The following NOL4 variants were observed in gnomAD, a reference collection of about 807,000 sequenced individuals.
NOL4 encodes the protein cancer/testis antigen 125.
Under a neutral mutation model 75.9 loss-of-function variants are expected in NOL4, and 17 were observed. That is an observed-to-expected ratio of 0.22 (90% confidence interval 0.15 to 0.34). The LOEUF is 0.34. Ranked by LOEUF, NOL4 falls within the 10% of genes least tolerant of loss-of-function variation. The pLI is 1.00. For synonymous variants in NOL4, 292 were observed against 289.9 expected, an observed-to-expected ratio of 1.01 and a Z score of -0.07; for missense variants, 614 against 793.5, an observed-to-expected ratio of 0.77 and a Z score of 2.72.
chr18:34,109,219 A>T (rs976619673), intron 2 of NOL4, among the ~76,000 whole-genome samples: 2 of 150,972 alleles, frequency 1.3e-5, no homozygotes, highest in East Asian at 1.9e-4. Context: ...ATGCCACATT[A>T]AAAAAAAAGA....
chr18:34,029,565 C>T (rs553240816), intron 5 of NOL4, among the ~76,000 whole-genome samples: 1 of 152,262 alleles, frequency 6.6e-6, no homozygotes, highest in African/African-American at 2.4e-5. Flanking sequence ...GAGCAGCTGA[C>T]TCCATAATCT....
At position 33,921,531 on chromosome 18, in the gene NOL4, C is replaced by T. The variant is rs370277503; in HGVS notation, c.1542+21534G>A. Among the ~76,000 whole-genome samples the T allele has an allele frequency of 3.3e-5, 5 of 152,112 alleles. No individual in the cohort carries two copies. The East Asian group carries it at 5.8e-4, about 18-fold the overall frequency. ...TGAGGCAATACTGAATTAGGGTGGA[C>T]CCTACTTCAAAATAACTTGTATTCT... On this transcript the variant is annotated intron_variant, in intron 9 of 10. Coordinates refer to ENST00000261592, the MANE Select transcript of NOL4 (RefSeq NM_003787.5).
chr18:34,021,599 C>G (rs1198618408), intron 5 of NOL4, among the ~76,000 whole-genome samples: 1 of 152,080 alleles, frequency 6.6e-6, no homozygotes, highest in East Asian at 1.9e-4. Flanking sequence ...ACTATTCTGA[C>G]TCTGATGAGG....
At chr18:34,145,046 G>C (rs1194879122) in intron 1 of NOL4, among the ~76,000 whole-genome samples, 1 of 151,976 alleles carries the variant, frequency 6.6e-6, no homozygotes, top group Non-Finnish European at 1.5e-5. Flanking sequence ...CTGCTTTGGA[G>C]GTAATTTGGC....
At chr18:34,035,952 A>G (rs184492211) in intron 5 of NOL4, among the ~76,000 whole-genome samples, 1 of 152,290 alleles carries the variant, frequency 6.6e-6, no homozygotes, top group Admixed American at 6.5e-5. Flanking sequence ...TGAACAGACC[A>G]GTAATGAGTA....
At chr18:34,036,366 G>GA (rs35411403) in intron 5 of NOL4, among the ~76,000 whole-genome samples, 127,230 of 151,996 alleles carry the variant, frequency 0.84, 53,360 homozygotes, top group East Asian at 0.96. Flanking sequence ...AAAATGAAGG[G>GA]AAAAAACAAC....
chr18:34,189,986 C>CAT (rs71379558), intron 1 of NOL4, among the ~76,000 whole-genome samples: 33,898 of 148,558 alleles, frequency 0.23, 4,249 homozygotes, highest in Non-Finnish European at 0.29. Context: ...TAGATATATG[C>CAT]ATATATATAT....
chr18:33,892,458 A>G (rs1273253027), intron 9 of NOL4, among the ~76,000 whole-genome samples: 1 of 152,016 alleles, frequency 6.6e-6, no homozygotes, highest in African/African-American at 2.4e-5. Context: ...TAAATAAATA[A>G]ATAAATGAAA....
intron 5 of NOL4, among the ~76,000 whole-genome samples, chr18:34,032,641 T>A (rs2075696387): frequency 6.6e-6 from 1 of 152,032 alleles, no homozygotes; most frequent in Non-Finnish European, 1.5e-5. Flanking sequence ...ATCCAGATAG[T>A]TGTCCTGTTA....
chr18:33,922,693 T>C (rs1028395263), intron 9 of NOL4, among the ~76,000 whole-genome samples: 9 of 152,184 alleles, frequency 5.9e-5, no homozygotes, highest in Non-Finnish European at 1.3e-4. Context: ...ATACCCTCAA[T>C]TTTGTGCTAC....
chr18:34,221,882 C>T (rs1175327026), intron 1 of NOL4: 3 of 650,438 alleles, frequency 4.6e-6, no homozygotes, highest in South Asian at 2.0e-5. Context: ...CTAGCATCCT[C>T]CAGGAATACT....
chr18:34,058,296 G>C (rs2076915568), intron 5 of NOL4, among the ~76,000 whole-genome samples: 1 of 152,070 alleles, frequency 6.6e-6, no homozygotes, highest in African/African-American at 2.4e-5. Context: ...ACCACGCCCG[G>C]CTAATTTTTT....
intron 5 of NOL4, among the ~76,000 whole-genome samples, chr18:34,046,221 G>A (rs1216187627): frequency 6.6e-6 from 1 of 151,922 alleles, no homozygotes; most frequent in Non-Finnish European, 1.5e-5. Context: ...CTTTCCAAAT[G>A]CCATTCCAAA....
chr18:34,201,631 C>T (rs1189877550), intron 1 of NOL4, among the ~76,000 whole-genome samples: 1 of 151,778 alleles, frequency 6.6e-6, no homozygotes, highest in Non-Finnish European at 1.5e-5. Context: ...GTTTCTTTCA[C>T]AATTTTACTT....
At chr18:34,091,305 A>G (rs1600550864) in intron 5 of NOL4, among the ~76,000 whole-genome samples, 1 of 151,950 alleles carries the variant, frequency 6.6e-6, no homozygotes, top group Non-Finnish European at 1.5e-5. Flanking sequence ...AGAGGTTGCA[A>G]TGAGCCAAGA....
intron 1 of NOL4, among the ~76,000 whole-genome samples, chr18:34,176,812 T>C (rs917740631): frequency 1.3e-5 from 2 of 152,046 alleles, no homozygotes; most frequent in Admixed American, 1.3e-4. Context: ...TTAATTTCTG[T>C]TTGTTAAGCC....
intron 2 of NOL4, chr18:34,128,708 G>A (rs1260488092): frequency 1.1e-5 from 2 of 178,316 alleles, no homozygotes; most frequent in South Asian, 1.9e-4. Flanking sequence ...AAACCATAGA[G>A]GAGGAGGGAT....
intron 1 of NOL4, among the ~76,000 whole-genome samples, chr18:34,178,880 C>T (rs1229300678): frequency 6.6e-6 from 1 of 151,594 alleles, no homozygotes; most frequent in East Asian, 1.9e-4. Flanking sequence ...CCAACAATAG[C>T]TAAAATACAT....
At chr18:34,053,323 A>G (rs927289625) in intron 5 of NOL4, among the ~76,000 whole-genome samples, 5 of 151,996 alleles carry the variant, frequency 3.3e-5, no homozygotes, top group African/African-American at 1.2e-4. Flanking sequence ...AAAAAAATAC[A>G]GTAGTGTTTG....
Sources: allele counts gnomAD v4.1 joint callset (sites outside exome capture counted in the v4.1 genomes callset), GRCh38; gene constraint gnomAD v4.1.1; transcripts MANE v1.5; gene names NCBI Gene and HGNC (gene_info 2026-07-23, HGNC 2026-07-21).